TMEM114: variants seen among roughly 807,000 people sequenced by gnomAD.
TMEM114 encodes the protein claudin-26.
In TMEM114, 6 loss-of-function variants were observed where a neutral mutation model predicts 6.2. The observed-to-expected ratio is 0.97, with a 90% CI of 0.53 to 1.91. The LOEUF is 1.91. Among genes scored for constraint, TMEM114 ranks in the 40% most tolerant of loss-of-function variants. The probability of loss-of-function intolerance (pLI) is 0.01; values close to 1 mark genes in which losing one functional copy is unlikely to be tolerated. For missense variants in TMEM114, 218 were observed against 158.3 expected (o/e 1.38, Z -2.02); for synonymous variants, 104 against 73.0 (o/e 1.42, Z -2.16).
downstream of TMEM114, among the ~76,000 whole-genome samples, chr16:8,567,978 A>G (rs1187796942): frequency 6.6e-6 from 1 of 152,128 alleles, no homozygotes; most frequent in Non-Finnish European, 1.5e-5. Context: ...TTAGACAGGG[A>G]CGTCGCAGCA....
At chr16:8,559,288 C>T (rs1310020249) in intron 2 of TMEM114, among the ~76,000 whole-genome samples, 1 of 152,236 alleles carries the variant, frequency 6.6e-6, no homozygotes, top group Non-Finnish European at 1.5e-5. Flanking sequence ...AGTGATCCGC[C>T]CACCTCAGCC....
downstream of TMEM114, among the ~76,000 whole-genome samples, chr16:8,535,992 G>A (rs1293014191): frequency 1.3e-5 from 2 of 152,118 alleles, no homozygotes; most frequent in South Asian, 2.1e-4. Flanking sequence ...TTGAGAGGTC[G>A]AGGCGGGCAG....
At chr16:8,542,170 T>C (rs2141650129) in intron 2 of TMEM114, among the ~76,000 whole-genome samples, 1 of 151,804 alleles carries the variant, frequency 6.6e-6, no homozygotes, top group Admixed American at 6.6e-5. Context: ...CCAAGGAGGA[T>C]GTGAAACCAG....
chr16:8,543,933 T>C (rs1273596824), intron 2 of TMEM114, among the ~76,000 whole-genome samples: 2 of 152,198 alleles, frequency 1.3e-5, no homozygotes, highest in Non-Finnish European at 2.9e-5. Flanking sequence ...AAACCATGCA[T>C]CTCTCTTCAT....
intron 2 of TMEM114, among the ~76,000 whole-genome samples, chr16:8,561,859 AGT>A (rs1901220443): frequency 6.7e-6 from 1 of 148,980 alleles, no homozygotes; most frequent in African/African-American, 2.5e-5. Context: ...TGAATGAGTG[AGT>A]GAGGGAATGA....
the TMEM114 span, chr16:8,532,161 A>T: frequency 6.6e-6 from 1 of 152,142 alleles, no homozygotes; most frequent in Non-Finnish European, 1.5e-5. Context: ...TTTTAATTAG[A>T]ATGTGCTAAT....
At chr16:8,541,614 A>G (rs1900517651) in intron 2 of TMEM114, among the ~76,000 whole-genome samples, 1 of 152,344 alleles carries the variant, frequency 6.6e-6, no homozygotes, top group South Asian at 2.1e-4. Context: ...CATTTTGAAA[A>G]ATAATTAATT....
chr16:8,533,342 C>G (rs1222834703), downstream of TMEM114, among the ~76,000 whole-genome samples: 2 of 152,166 alleles, frequency 1.3e-5, no homozygotes, highest in Admixed American at 6.5e-5. Flanking sequence ...GCAGAGTATT[C>G]TGGGAAGAGA....
At chr16:8,560,403 A>G (rs2141668226) in intron 2 of TMEM114, among the ~76,000 whole-genome samples, 1 of 152,280 alleles carries the variant, frequency 6.6e-6, no homozygotes, top group Non-Finnish European at 1.5e-5. Context: ...GGCAAGGGTC[A>G]GATGAGCCTT....
intron 2 of TMEM114, among the ~76,000 whole-genome samples, chr16:8,573,872 C>T (rs1251330032): frequency 1.3e-5 from 2 of 152,166 alleles, no homozygotes; most frequent in African/African-American, 2.4e-5. Context: ...CCTGACAGAA[C>T]ATGAGCTCTT....
At chr16:8,566,163 G>A (rs779443415), downstream of TMEM114, among the ~76,000 whole-genome samples, 2 of 152,176 alleles carry the variant, frequency 1.3e-5, no homozygotes, top group Non-Finnish European at 2.9e-5. Flanking sequence ...GAGCTCAGGA[G>A]ATCGAGACCA....
intron 2 of TMEM114, among the ~76,000 whole-genome samples, chr16:8,574,835 C>T (rs1296193707): frequency 6.6e-6 from 1 of 152,118 alleles, no homozygotes. Flanking sequence ...GATTAAACGC[C>T]TGGGTAAGAG....
chr16:8,541,647 A>T (rs183698297), intron 2 of TMEM114, among the ~76,000 whole-genome samples: 2 of 152,232 alleles, frequency 1.3e-5, no homozygotes, highest in Non-Finnish European at 2.9e-5. Flanking sequence ...TTAATGTTTT[A>T]AAATACAAAT....
At chr16:8,542,789 C>T (rs73505713) in intron 2 of TMEM114, among the ~76,000 whole-genome samples, 1 of 152,088 alleles carries the variant, frequency 6.6e-6, no homozygotes, top group African/African-American at 2.4e-5. Context: ...CCAGAATCTC[C>T]TCAGTCTCAA....
At chr16:8,555,594 C>T (rs1451521421) in intron 2 of TMEM114, among the ~76,000 whole-genome samples, 1 of 152,172 alleles carries the variant, frequency 6.6e-6, no homozygotes, top group Non-Finnish European at 1.5e-5. Context: ...CAGCTTCCAC[C>T]AGTCTTCAAT....
At chr16:8,564,589 G>T (rs1388417486), downstream of TMEM114, among the ~76,000 whole-genome samples, 2 of 148,394 alleles carry the variant, frequency 1.3e-5, no homozygotes, top group Non-Finnish European at 3.0e-5. Flanking sequence ...GAGTAAATGA[G>T]TGAGTGACGG....
At chr16:8,578,002 C>T (rs1024936357) in intron 2 of TMEM114, among the ~76,000 whole-genome samples, 2 of 152,166 alleles carry the variant, frequency 1.3e-5, no homozygotes, top group East Asian at 1.9e-4. Context: ...CGAACAAGGC[C>T]ACTGCCCTCA....
At chr16:8,527,581 G>T in the TMEM114 span, among the ~76,000 whole-genome samples, 1 of 152,112 alleles carries the variant, frequency 6.6e-6, no homozygotes, top group Non-Finnish European at 1.5e-5. Flanking sequence ...TTTTTAGCCA[G>T]ACTGCATTGA....
chr16:8,583,874 C>G (rs1025383450), intron 2 of TMEM114, among the ~76,000 whole-genome samples: 6 of 152,176 alleles, frequency 3.9e-5, no homozygotes, highest in African/African-American at 1.4e-4. Flanking sequence ...GATCATGTGA[C>G]CAATCCTCCC....
Sources: allele counts gnomAD v4.1 joint callset (sites outside exome capture counted in the v4.1 genomes callset), GRCh38; gene constraint gnomAD v4.1.1; transcripts MANE v1.5; gene names NCBI Gene and HGNC (gene_info 2026-07-23, HGNC 2026-07-21).